MICU3: variants seen among roughly 807,000 people sequenced by gnomAD.
MICU3 encodes mitochondrial calcium uptake 3.
In MICU3, 62 loss-of-function variants were observed where a neutral mutation model predicts 66.5. The observed-to-expected ratio is 0.93, with a 90% confidence interval of 0.76 to 1.15. The LOEUF (loss-of-function observed/expected upper bound fraction) is 1.15, where lower values mean the gene tolerates loss of function less well. Ranked by LOEUF, MICU3 falls within the 50% of genes most tolerant of loss-of-function variation. The pLI is 0.00. For synonymous variants in MICU3, 308 were observed against 240.7 expected (o/e 1.28, Z -2.59); for missense variants, 779 against 664.4 (o/e 1.17, Z -1.90).
In MICU3 at chr8:17,105,447, A is replaced by G; in HGVS notation, c.1120A>G (p.Ile374Val). The G allele has an allele frequency of 1.3e-6, 2 of 1,567,390 alleles. No homozygotes were observed. Among genetic ancestry groups the G allele is most frequent in the African/African-American group, 2.8e-5 (2 of 72,506 alleles). The change falls in exon 11 of 15, where the codon ATA (isoleucine) becomes GTA (valine). Residue 374 changes from isoleucine (I) to valine (V), a missense_variant. Physicochemically the swap from Ile to Val is conservative, Grantham distance 29. Transcript: ENST00000318063. ...TAATCTCCAAACAGAAGTTCTAGAA[A>G]TAGAATTCCTTTCCTACTCAAATGG... ...MDNLQTEVLE[I>V]EFLSYSNGMN...
intron 1 of MICU3, among the ~76,000 whole-genome samples, chr8:17,037,224 G>A (rs1297194645): frequency 1.3e-5 from 2 of 152,214 alleles, no homozygotes; most frequent in Admixed American, 6.5e-5. Flanking sequence ...GCAAGCTGAG[G>A]GAATGGGCTC....
downstream of MICU3, among the ~76,000 whole-genome samples, chr8:17,124,142 C>A (rs774109344): frequency 6.6e-6 from 1 of 151,978 alleles, no homozygotes; most frequent in South Asian, 2.1e-4. Context: ...AAGGATTTGT[C>A]TCCCTTACTC....
chr8:17,060,426 G>A (rs946060703), intron 1 of MICU3, among the ~76,000 whole-genome samples: 3 of 151,962 alleles, frequency 2.0e-5, no homozygotes, highest in Non-Finnish European at 2.9e-5. Flanking sequence ...TCCTGCCTCA[G>A]CCTCCCAAGT....
At chr8:17,124,970 G>A (rs1356606141), downstream of MICU3, among the ~76,000 whole-genome samples, 1 of 151,896 alleles carries the variant, frequency 6.6e-6, no homozygotes, top group African/African-American at 2.4e-5. Context: ...TTTGCTTGAT[G>A]TTTGTGCTGA....
intron 1 of MICU3, among the ~76,000 whole-genome samples, chr8:17,036,733 T>C (rs1004527233): frequency 6.6e-6 from 1 of 152,210 alleles, no homozygotes; most frequent in African/African-American, 2.4e-5. Flanking sequence ...CCCACCAGAC[T>C]CAGGAGCCCA....
chr8:17,106,873 T>C (rs1217959896), intron 11 of MICU3, among the ~76,000 whole-genome samples: 1 of 151,572 alleles, frequency 6.6e-6, no homozygotes, highest in Non-Finnish European at 1.5e-5. Context: ...CAAGGCTTTC[T>C]AAGACAATGA....
chr8:17,114,380 A>G (rs1395747291), intron 12 of MICU3, among the ~76,000 whole-genome samples, 179 bp downstream of exon 12: 2 of 152,062 alleles, frequency 1.3e-5, no homozygotes, highest in East Asian at 3.9e-4. Flanking sequence ...GAGGGAAGAA[A>G]CCTCATGGCC....
chr8:17,079,143 C>T (rs568534436), intron 4 of MICU3, among the ~76,000 whole-genome samples: 13 of 152,000 alleles, frequency 8.6e-5, no homozygotes, highest in South Asian at 4.1e-4. Context: ...ATGTTATACA[C>T]ATGTTTGCAT....
At chr8:17,076,073 C>A (rs1040269938) in intron 3 of MICU3, among the ~76,000 whole-genome samples, 1 of 152,084 alleles carries the variant, frequency 6.6e-6, no homozygotes, top group African/African-American at 2.4e-5. Context: ...TTTGCCTAGG[C>A]TGGAGTGCAG....
chr8:17,108,697 G>T (rs1801946879), intron 11 of MICU3, among the ~76,000 whole-genome samples: 1 of 152,114 alleles, frequency 6.6e-6, no homozygotes, highest in African/African-American at 2.4e-5. Context: ...TTTCCCCCCA[G>T]ATCATCCTTC....
the MICU3 span, among the ~76,000 whole-genome samples, chr8:17,136,288 G>A: frequency 2.0e-5 from 3 of 151,920 alleles, no homozygotes; most frequent in South Asian, 2.1e-4. Flanking sequence ...TATGAATCAC[G>A]GACAGCAACA....
chr8:17,034,844 A>T (rs1302399834), intron 1 of MICU3, among the ~76,000 whole-genome samples: 1 of 152,222 alleles, frequency 6.6e-6, no homozygotes, highest in East Asian at 1.9e-4. Flanking sequence ...GATGCTGTGA[A>T]CATTGTTGAA....
At chr8:17,137,202 A>G in the MICU3 span, among the ~76,000 whole-genome samples, 1 of 151,998 alleles carries the variant, frequency 6.6e-6, no homozygotes, top group African/African-American at 2.4e-5. Context: ...GGGGTTGCCT[A>G]TGTACCCCTA....
intron 12 of MICU3, among the ~76,000 whole-genome samples, chr8:17,115,034 G>A (rs1055171318): frequency 6.6e-6 from 1 of 150,868 alleles, no homozygotes; most frequent in East Asian, 1.9e-4. Flanking sequence ...CAGGAGAATG[G>A]CGTGAACCCG....
intron 1 of MICU3, among the ~76,000 whole-genome samples, chr8:17,055,680 G>C (rs1394642530): frequency 6.6e-6 from 1 of 152,156 alleles, no homozygotes; most frequent in African/African-American, 2.4e-5. Flanking sequence ...TAATGACAGA[G>C]TCATCATCTG....
chr8:17,076,123 C>T (rs148809190), intron 3 of MICU3, among the ~76,000 whole-genome samples: 223 of 152,070 alleles, frequency 1.5e-3, no homozygotes, highest in African/African-American at 4.8e-3. Context: ...ACTTCCTGGG[C>T]TCAAGTGATT....
chr8:17,042,568 AAT>A (rs1268437400), intron 1 of MICU3, among the ~76,000 whole-genome samples: 1 of 152,212 alleles, frequency 6.6e-6, no homozygotes, highest in Admixed American at 6.5e-5. Context: ...AGCTAAGTAA[AAT>A]ATGGAACTTC....
chr8:17,063,922 A>C (rs2285259), intron 1 of MICU3, among the ~76,000 whole-genome samples, 162 bp from the exon 2 acceptor site: 1 of 152,178 alleles, frequency 6.6e-6, no homozygotes, highest in South Asian at 2.1e-4. Context: ...TATTTTATTT[A>C]TGTGAATAAT....
chr8:17,097,104 G>C (rs1299784111), intron 8 of MICU3, among the ~76,000 whole-genome samples: 15 of 151,418 alleles, frequency 9.9e-5, no homozygotes, highest in Non-Finnish European at 1.5e-5. Context: ...TTCTAGTTTG[G>C]TGGGTTTAAC....
Sources: gnomAD v4.1 joint callset for allele counts (sites outside exome capture counted in the v4.1 genomes callset) on GRCh38, gnomAD v4.1.1 for gene constraint, MANE v1.5 for transcripts, NCBI Gene and HGNC (gene_info 2026-07-23, HGNC 2026-07-21) for gene names.